PIK3CD: variants seen among roughly 807,000 people sequenced by gnomAD.
PIK3CD encodes the protein phosphatidylinositol 4,5-bisphosphate 3-kinase catalytic subunit delta isoform.
PIK3CD carries 20 observed loss-of-function variants against 122.9 expected under a neutral mutation model. The ratio of observed to expected loss-of-function variants is 0.16; its 90% CI spans 0.11 to 0.24. The LOEUF (loss-of-function observed/expected upper bound fraction) is 0.24. Among genes scored for constraint, PIK3CD ranks in the 10% least tolerant of loss-of-function variants. The pLI, the probability that PIK3CD is intolerant of heterozygous loss-of-function variation, is 1.00. For synonymous variants in PIK3CD, 596 were observed against 593.4 expected (o/e 1.00, Z -0.06); for missense variants, 787 against 1,406.3 (o/e 0.56, Z 7.04).
At chr1:9,641,827 T>C in the PIK3CD span, among the ~76,000 whole-genome samples, 1 of 152,224 alleles carries the variant, frequency 6.6e-6, no homozygotes, top group Non-Finnish European at 1.5e-5. Flanking sequence ...CCTTGGAACC[T>C]GAGTTCTTGC....
Position 9,718,529 on chromosome 1 carries a change from G to C in PIK3CD, c.1021-165G>C, listed in dbSNP as rs544148893. Among the ~76,000 whole-genome samples, 1 of 152,094 alleles carries C rather than the reference G, an allele frequency of 6.6e-6. No homozygotes were observed. ...TGGTACCCTCCCTCACCCCAGGGCCGCTCATGCCCCTCAGGCCTTCCCTGT... is the reference window on the plus strand; with the variant it reads ...TGGTACCCTCCCTCACCCCAGGGCCCCTCATGCCCCTCAGGCCTTCCCTGT... On this transcript the variant is annotated intron_variant, in intron 8 of 23. Coordinates refer to ENST00000377346, the MANE Select transcript of PIK3CD (RefSeq NM_005026.5). This position sits in a 1 kb window ranked among gnomAD's most constrained non-coding sequence, Gnocchi z 7.2.
intron 2 of PIK3CD, among the ~76,000 whole-genome samples, chr1:9,695,740 G>A (rs796309697): frequency 3.3e-5 from 5 of 151,890 alleles, no homozygotes; most frequent in South Asian, 2.1e-4. Flanking sequence ...TACTTGGGAG[G>A]CTGAGGCAGG....
chr1:9,712,737 A>T (rs1381166029), intron 3 of PIK3CD, among the ~76,000 whole-genome samples: 1 of 152,198 alleles, frequency 6.6e-6, no homozygotes, highest in Non-Finnish European at 1.5e-5. Context: ...ATATGGACAC[A>T]TTACAATTTA....
chr1:9,647,388 T>G (rs564497704), upstream of PIK3CD, among the ~76,000 whole-genome samples: 10 of 152,010 alleles, frequency 6.6e-5, no homozygotes, highest in South Asian at 2.1e-3. Flanking sequence ...AGTGAGACCC[T>G]GTCTCAAAAT....
intron 1 of PIK3CD, among the ~76,000 whole-genome samples, chr1:9,661,224 C>T (rs751068502): frequency 2.2e-4 from 33 of 150,986 alleles, no homozygotes; most frequent in Non-Finnish European, 3.4e-4. Flanking sequence ...CCTGAGCCAC[C>T]GTGCCCGGCC....
At chr1:9,651,056 G>A (rs1644663171), upstream of PIK3CD, among the ~76,000 whole-genome samples, 2 of 152,126 alleles carry the variant, frequency 1.3e-5, no homozygotes, top group African/African-American at 4.8e-5. Context: ...ATGTTGCCCA[G>A]GCTGGCTTGA....
the PIK3CD span, among the ~76,000 whole-genome samples, chr1:9,646,321 C>T: frequency 1.3e-5 from 2 of 152,086 alleles, no homozygotes; most frequent in African/African-American, 2.4e-5. Flanking sequence ...TGGGACAGCC[C>T]GCCGTAACAA....
In PIK3CD at chr1:9,715,835, T is replaced by G; in HGVS notation, c.371-14T>G. ...CCTGCCCCACCCGCTGACCCAGCCC[T>G]CCCCACCCCGCAGGCCTCCACGAGT... On this transcript the variant is annotated splice_polypyrimidine_tract_variant and intron_variant, in intron 4 of 23. Transcript: ENST00000377346. The surrounding 1 kb of genome is among the most constrained non-coding windows in gnomAD (Gnocchi z 4.1). 5 of 777,322 alleles carry G rather than the reference T, an allele frequency of 6.4e-6. No homozygotes were observed. The highest frequency in any genetic ancestry group is 1.3e-5 in the South Asian group (1 of 75,976). The allele number at this position is 777,322 out of a possible 1,614,324, so 48.2% of individuals were successfully genotyped here. A position where few individuals can be genotyped will look rare whatever the true frequency, so the allele number is the denominator to read the frequency against.
intron 1 of PIK3CD, among the ~76,000 whole-genome samples, chr1:9,655,390 T>C (rs1003033467): frequency 4.6e-5 from 7 of 151,908 alleles, no homozygotes; most frequent in African/African-American, 4.8e-5. Context: ...CCGGCAATCA[T>C]AGCAGAAATG....
intron 1 of PIK3CD, among the ~76,000 whole-genome samples, chr1:9,671,507 A>G (rs1163571519): frequency 2.6e-5 from 4 of 152,178 alleles, no homozygotes; most frequent in Non-Finnish European, 5.9e-5. Flanking sequence ...GTGGATTTTA[A>G]TGACAGGTGT....
At chr1:9,653,902 A>G (rs748166849) in intron 1 of PIK3CD, 1 of 1,367,100 alleles carries the variant, frequency 7.3e-7, no homozygotes, top group Non-Finnish European at 9.8e-7. Flanking sequence ...GGGCTGGAGG[A>G]GTGCTCTTAA....
At position 9,723,119 on chromosome 1, in the gene PIK3CD, GC is replaced by G. The variant is rs1340406012; in HGVS notation, c.2427-4del. On this transcript the variant is annotated splice_region_variant and splice_polypyrimidine_tract_variant and intron_variant, in intron 19 of 23. Coordinates refer to ENST00000377346, the MANE Select transcript of PIK3CD (RefSeq NM_005026.5). This position sits in a 1 kb window ranked among gnomAD's most constrained non-coding sequence, Gnocchi z 4.9. Reference sequence around the variant, plus strand: ...CATTTGCCCGTCCCTCTTCCCCCTTGCCTAGGATGACCCCCTATGGCTGCCT... The same window carrying G: ...CATTTGCCCGTCCCTCTTCCCCCTTGCTAGGATGACCCCCTATGGCTGCCT... 2 of 1,613,256 alleles carry G rather than the reference GC, an allele frequency of 1.2e-6. No individual in the cohort carries two copies. Among genetic ancestry groups the G allele is most frequent in the East Asian group, 4.5e-5 (2 of 44,878 alleles).
rs1649956805 is a variant in PIK3CD, at chr1:9,728,068, G to C, written c.*1022G>C. 1.3e-5 allele frequency: 2 copies of C among 153,672 alleles called. No individual in the cohort carries two copies. Among genetic ancestry groups the C allele is most frequent in the Non-Finnish European group, 2.9e-5 (2 of 68,918 alleles). 9.5% of individuals were successfully genotyped at this position (153,672 alleles called of 1,614,324 possible). A position where few individuals can be genotyped will look rare whatever the true frequency, so the allele number is the denominator to read the frequency against. ...GATCCACCCGCCTGAGCCTCCCAAA[G>C]TGCTGGGATTACAGGCATGAGCCAC... On this transcript the variant is annotated 3_prime_UTR_variant, in exon 24 of 24. Transcript: ENST00000377346.
rs1649893878 is a variant in PIK3CD, at chr1:9,727,719, A to G, written c.*673A>G. The G allele has an allele frequency of 1.4e-5, 3 of 212,832 alleles. No homozygotes were observed. The highest frequency in any genetic ancestry group is 1.8e-4 in the South Asian group (1 of 5,554). 13.2% of individuals were successfully genotyped at this position (212,832 alleles called of 1,614,324 possible). On this transcript the variant is annotated 3_prime_UTR_variant, in exon 24 of 24. Transcript: ENST00000377346. ...CTACGCTGGTCCTCAGGACGTGTTA[A>G]AGAGATCTGGGCCTCATGTAGCTCA... is the stretch of plus-strand genomic sequence containing the variant.
Position 9,700,507 on chromosome 1 carries a change from AGAT to A in PIK3CD, c.-33+8938_-33+8940del, listed in dbSNP as rs1646586139. On this transcript the variant is annotated intron_variant, in intron 2 of 23. Coordinates refer to ENST00000377346, the MANE Select transcript of PIK3CD (RefSeq NM_005026.5). The surrounding 1 kb of genome is among the most constrained non-coding windows in gnomAD (Gnocchi z 5.1). ...TCCTTGGATATTTTATGAGTGACTT[AGAT>A]GTGGACACAACTCATGCCTCAGGAT... Among the ~76,000 whole-genome samples the A allele has an allele frequency of 6.6e-6, 1 of 152,144 alleles. No individual in the cohort carries two copies. Among genetic ancestry groups the A allele is most frequent in the Admixed American group, 6.5e-5 (1 of 15,268 alleles).
At chr1:9,714,557 C>T (rs898978798) in intron 3 of PIK3CD, among the ~76,000 whole-genome samples, 1 of 152,166 alleles carries the variant, frequency 6.6e-6, no homozygotes, top group Non-Finnish European at 1.5e-5. Flanking sequence ...TGCTCTGTAT[C>T]TTGGGGTTTT....
At chr1:9,687,540 C>G (rs1213086408) in intron 1 of PIK3CD, 6 of 151,936 alleles carry the variant, frequency 3.9e-5, no homozygotes, top group African/African-American at 1.4e-4. Flanking sequence ...CCGCTCCCCT[C>G]CCTCAGGCGG....
chr1:9,640,723 A>G, the PIK3CD span, among the ~76,000 whole-genome samples: 12 of 151,890 alleles, frequency 7.9e-5, no homozygotes, highest in African/African-American at 2.7e-4. Context: ...GCTTTTTCAC[A>G]TGTGAATCAC....
Position 9,719,821 on chromosome 1 carries a change from G to T in PIK3CD, c.1243-100G>T. 1 of 946,006 alleles carries T rather than the reference G, an allele frequency of 1.1e-6. No individual in the cohort carries two copies. Among genetic ancestry groups the T allele is most frequent in the South Asian group, 1.3e-5 (1 of 77,442 alleles). The allele number at this position is 946,006 out of a possible 1,614,324, so 58.6% of individuals were successfully genotyped here. ...GGGGTCTGGTTGGGAGATGTTAGCT[G>T]GGCTCTGGGTCTTCTCGGGTGGGGT... On this transcript the variant is annotated intron_variant, in intron 9 of 23. Transcript: ENST00000377346. The surrounding 1 kb of genome is among the most constrained non-coding windows in gnomAD (Gnocchi z 5.5).
Sources: gnomAD v4.1 joint callset for allele counts (sites outside exome capture counted in the v4.1 genomes callset) on GRCh38, gnomAD v4.1.1 for gene constraint, Gnocchi (gnomAD v3.1) non-coding constraint, MANE v1.5 for transcripts, NCBI Gene and HGNC (gene_info 2026-07-23, HGNC 2026-07-21) for gene names.